The following B4GALNT2 variants were observed in gnomAD, a reference collection of about 807,000 sequenced individuals.
B4GALNT2 encodes the protein beta-1,4-N-acetyl-galactosaminyltransferase 2 (SID blood group), also known as N-acetylneuraminylgalactosylglucosyl-glucoside beta-1,4-N- acetylgalactosaminyltransferase 2.
B4GALNT2 carries 42 observed loss-of-function variants against 51.1 expected under a neutral mutation model. The ratio of observed to expected loss-of-function variants is 0.82; its 90% CI spans 0.64 to 1.06. The LOEUF (loss-of-function observed/expected upper bound fraction) is 1.06, where lower values mean the gene tolerates loss of function less well. B4GALNT2 is among the 50% of genes least tolerant of loss of function. The pLI, the probability that B4GALNT2 is intolerant of heterozygous loss-of-function variation, is 0.00. For synonymous variants in B4GALNT2, 253 were observed against 251.7 expected (o/e 1.01, Z -0.05); for missense variants, 602 against 633.6 (o/e 0.95, Z 0.54).
chr17:49,146,842 G>T (rs113884555), intron 3 of B4GALNT2, among the ~76,000 whole-genome samples: 211 of 152,214 alleles, frequency 1.4e-3, no homozygotes, highest in African/African-American at 4.9e-3. Flanking sequence ...TCTAAGATTG[G>T]GCTCTCTCTC....
intron 1 of B4GALNT2, among the ~76,000 whole-genome samples, chr17:49,137,195 G>T (rs188087363): frequency 6.0e-4 from 91 of 152,152 alleles, no homozygotes; most frequent in Non-Finnish European, 1.1e-3. Flanking sequence ...ATTAAAAATT[G>T]CTTTAGTTAT....
the B4GALNT2 span, among the ~76,000 whole-genome samples, chr17:49,126,564 C>T: frequency 6.7e-6 from 1 of 149,452 alleles, no homozygotes; most frequent in African/African-American, 2.5e-5. Context: ...GCCAGTTGTA[C>T]AGCTAAGAGT....
intron 1 of B4GALNT2, among the ~76,000 whole-genome samples, chr17:49,139,950 G>T (rs2144278259): frequency 6.6e-6 from 1 of 151,464 alleles, no homozygotes; most frequent in Admixed American, 6.6e-5. Context: ...CTGTATTAGG[G>T]AAATATATAT....
the B4GALNT2 span, among the ~76,000 whole-genome samples, chr17:49,125,729 G>A: frequency 2.8e-5 from 4 of 141,436 alleles, no homozygotes; most frequent in Non-Finnish European, 3.1e-5. Flanking sequence ...CGGGCCGGCC[G>A]CCCCGTCCCG....
Position 49,152,871 on chromosome 17 carries a change from T to A in B4GALNT2, c.425T>A (p.Val142Glu). 6.2e-7 allele frequency: 1 copy of A among 1,611,228 alleles called. No individual in the cohort carries two copies. ...NLPFGYPVHG[V>E]EVMPLHTVPI... is the part of the protein sequence containing the mutation. ...CCCTTTGGGTACCCAGTCCACGGAG[T>A]GGAGGTGATGCCCCTGCACACGGTT... is the stretch of plus-strand genomic sequence containing the variant. Residue 142 changes from valine to glutamate, a missense_variant, in exon 4 of 11, where the codon GTG becomes GAG. Physicochemically the swap from Val to Glu is moderately radical, Grantham distance 121 (BLOSUM62 -2). Coordinates refer to ENST00000393354, the MANE Select transcript of B4GALNT2 (RefSeq NM_001159387.2).
chr17:49,171,121 T>C lies in B4GALNT2; in HGVS notation c.*1393T>C, dbSNP rs12103835. ...TGTTTATGGCCAGTTTTGGGGCCAG[T>C]TTATGGCCAGATTTGGGGGCCTGTT... On this transcript the variant is annotated 3_prime_UTR_variant, in exon 11 of 11. Coordinates refer to ENST00000393354, the MANE Select transcript of B4GALNT2 (RefSeq NM_001159387.2). The C allele has an allele frequency of 9.4e-3, 1,927 of 206,034 alleles. 37 individuals are homozygous for C. Among genetic ancestry groups the C allele is most frequent in the African/African-American group, 0.044 (1,835 of 41,886 alleles). The allele number at this position is 206,034 out of a possible 1,614,324, so 12.8% of individuals were successfully genotyped here. A position where few individuals can be genotyped will look rare whatever the true frequency, so the allele number is the denominator to read the frequency against.
chr17:49,130,057 A>G (rs1258031086), upstream of B4GALNT2, among the ~76,000 whole-genome samples: 1 of 152,216 alleles, frequency 6.6e-6, no homozygotes, highest in Non-Finnish European at 1.5e-5. Context: ...TCAAGCTGAA[A>G]AAGAGTAAAT....
chr17:49,134,096 A>T (rs1384300810), intron 1 of B4GALNT2, among the ~76,000 whole-genome samples: 1 of 152,132 alleles, frequency 6.6e-6, no homozygotes, highest in Non-Finnish European at 1.5e-5. Flanking sequence ...TTCATGGGTG[A>T]CTGAAAAGGA....
rs750212923 is a variant in B4GALNT2, at chr17:49,173,309, A to G, written c.*3581A>G. 6.6e-6 allele frequency: 1 copy of G among 152,238 alleles called. No homozygotes were observed. The highest frequency in any genetic ancestry group is 1.5e-5 in the Non-Finnish European group (1 of 68,044). The allele number at this position is 152,238 out of a possible 1,614,324, so 9.4% of individuals were successfully genotyped here. A position where few individuals can be genotyped will look rare whatever the true frequency, so the allele number is the denominator to read the frequency against. ...GTATGAAGAATCAGAAATCACATTG[A>G]TAGGCCTATTAAAAGCAGTCAATAC... On this transcript the variant is annotated 3_prime_UTR_variant, in exon 11 of 11. Coordinates refer to ENST00000393354, the MANE Select transcript of B4GALNT2 (RefSeq NM_001159387.2).
rs2042963411 is a variant in B4GALNT2 at position 49,172,517 on chromosome 17, G to A, written c.*2789G>A. The stretch of plus-strand genomic sequence containing the variant: ...GCTCAAAAAATTTAAAGTCAATAAT[G>A]CTAGAATCAATTGCATATGGGGTGT... On this transcript the variant is annotated 3_prime_UTR_variant, in exon 11 of 11. Transcript: ENST00000393354. The A allele has an allele frequency of 6.5e-6, 1 of 153,690 alleles. No individual in the cohort carries two copies. The highest frequency in any genetic ancestry group is 2.4e-5 in the African/African-American group (1 of 41,498). 9.5% of individuals were successfully genotyped at this position (153,690 alleles called of 1,614,324 possible). A position where few individuals can be genotyped will look rare whatever the true frequency, so the allele number is the denominator to read the frequency against.
intron 1 of B4GALNT2, chr17:49,133,072 C>T (rs745583103): frequency 6.0e-6 from 9 of 1,505,606 alleles, no homozygotes; most frequent in Non-Finnish European, 7.9e-6. Flanking sequence ...GTGGAAGTGG[C>T]CTCTCGCGGC....
upstream of B4GALNT2, among the ~76,000 whole-genome samples, chr17:49,128,158 A>G (rs188845929): frequency 2.6e-5 from 4 of 152,284 alleles, no homozygotes. Flanking sequence ...AGGGATTTTC[A>G]TAGAAAGATC....
chr17:49,151,156 C>T (rs1220451997), intron 3 of B4GALNT2, among the ~76,000 whole-genome samples: 1 of 6 alleles, frequency 0.17, no homozygotes, highest in African/African-American at 0.17. Context: ...GGGCGGATCA[C>T]GAGGTCAGGA....
chr17:49,150,386 G>C (rs1231153860), intron 3 of B4GALNT2, among the ~76,000 whole-genome samples: 1 of 152,108 alleles, frequency 6.6e-6, no homozygotes, highest in Non-Finnish European at 1.5e-5. Context: ...GAAGTGAGGA[G>C]CCCCTCTGCC....
chr17:49,150,976 T>A (rs1352495481), intron 3 of B4GALNT2, among the ~76,000 whole-genome samples: 1 of 152,160 alleles, frequency 6.6e-6, no homozygotes, highest in Non-Finnish European at 1.5e-5. Flanking sequence ...CCGTAAGTAT[T>A]CACTATGATG....
Position 49,133,460 on chromosome 17 carries a change from C to T in B4GALNT2, c.14+654C>T, listed in dbSNP as rs1472024515. Among the ~76,000 whole-genome samples, 3 of 152,204 alleles carry T rather than the reference C, an allele frequency of 2.0e-5. No individual in the cohort carries two copies. The East Asian group carries it at 5.8e-4, about 29-fold the overall frequency. ...AGTCTAAATTAATTTTTATAAGCTA[C>T]GAAGAAGGATCAGACATACATTTGG... On this transcript the variant is annotated intron_variant, in intron 1 of 10. Coordinates refer to ENST00000393354, the MANE Select transcript of B4GALNT2 (RefSeq NM_001159387.2).
chr17:49,171,503 C>G lies in B4GALNT2; in HGVS notation c.*1775C>G. ...TTTTTATTCTTTCCCAAATTTTGATCTTATTAACAGACATTAATAGTTTCC... is the reference window on the plus strand; with the variant it reads ...TTTTTATTCTTTCCCAAATTTTGATGTTATTAACAGACATTAATAGTTTCC... On this transcript the variant is annotated 3_prime_UTR_variant, in exon 11 of 11. Coordinates refer to ENST00000393354, the MANE Select transcript of B4GALNT2 (RefSeq NM_001159387.2). The G allele has an allele frequency of 1.0e-5, 4 of 390,630 alleles. No homozygotes were observed. The highest frequency in any genetic ancestry group is 7.2e-5 in the Admixed American group (2 of 27,824). The allele number at this position is 390,630 out of a possible 1,614,324, so 24.2% of individuals were successfully genotyped here.
rs935219481 is a variant in B4GALNT2, at chr17:49,139,325, G to A, written c.15-1922G>A. ...GCAGTTTTGACTCACTATATCCTTC[G>A]CCCTCCGGGCTCAAGTGATCGTCCC... On this transcript the variant is annotated intron_variant, in intron 1 of 10. Transcript: ENST00000393354. Among the ~76,000 whole-genome samples, 19 of 151,678 alleles carry A rather than the reference G, an allele frequency of 1.3e-4. 1 individual carries two copies. Among genetic ancestry groups the A allele is most frequent in the Admixed American group, 6.6e-5 (1 of 15,228 alleles).
At chr17:49,147,233 G>A (rs1034382872) in intron 3 of B4GALNT2, among the ~76,000 whole-genome samples, 2 of 152,156 alleles carry the variant, frequency 1.3e-5, no homozygotes, top group Non-Finnish European at 2.9e-5. Flanking sequence ...AGTTGAGGCT[G>A]ATTGGTCAAT....
Sources: gnomAD v4.1 joint callset for allele counts (sites outside exome capture counted in the v4.1 genomes callset) on GRCh38, gnomAD v4.1.1 for gene constraint, MANE v1.5 for transcripts, NCBI Gene and HGNC (gene_info 2026-07-23, HGNC 2026-07-21) for gene names.